Variants in FRMD4A observed in about 807,000 individuals in gnomAD.
The protein encoded by FRMD4A is FERM domain containing 4A.
A neutral mutation model predicts 129.1 loss-of-function variants in FRMD4A; 29 were observed. That is an observed-to-expected ratio of 0.22 (90% CI 0.17 to 0.31). The LOEUF (loss-of-function observed/expected upper bound fraction) is 0.31, where lower values mean the gene tolerates loss of function less well. Ranked by LOEUF, FRMD4A falls within the 10% of genes least tolerant of loss-of-function variation. The pLI is 1.00. For missense variants in FRMD4A, 1,272 were observed against 1,375.8 expected (o/e 0.92, Z 1.19); for synonymous variants, 634 against 571.6 (o/e 1.11, Z -1.56).
chr10:14,255,227 T>C (rs1380232766), intron 2 of FRMD4A, among the ~76,000 whole-genome samples: 1 of 152,230 alleles, frequency 6.6e-6, no homozygotes, highest in African/African-American at 2.4e-5. Flanking sequence ...CCCTCTCCTA[T>C]TGTCTTCTTT....
intron 2 of FRMD4A, chr10:13,891,576 C>G: frequency 1.0e-6 from 1 of 984,034 alleles, no homozygotes; most frequent in Non-Finnish European, 1.2e-6. Context: ...GAAGGGCTGC[C>G]GTCAGTCGCC....
rs761756368 is a variant in FRMD4A at position 13,646,926 on chromosome 10, G to T, written c.*112C>A. 1.1e-5 allele frequency: 10 copies of T among 923,166 alleles called. No homozygotes were observed. Among genetic ancestry groups the T allele is most frequent in the Non-Finnish European group, 1.3e-5 (10 of 772,794 alleles). The allele number at this position is 923,166 out of a possible 1,614,324, so 57.2% of individuals were successfully genotyped here. On this transcript the variant is annotated 3_prime_UTR_variant, in exon 25 of 25. Transcript: ENST00000357447. ...GCGTTGAGGCGGTCAGATTAGGCCG[G>T]GCTGGCTCACACGAGGGTCCCGGGC...
chr10:13,832,570 T>C (rs1035714232), intron 3 of FRMD4A, among the ~76,000 whole-genome samples: 4 of 152,210 alleles, frequency 2.6e-5, no homozygotes, highest in Non-Finnish European at 5.9e-5. Context: ...TTTCTTTATT[T>C]AGAGAAAGGG....
intron 2 of FRMD4A, among the ~76,000 whole-genome samples, chr10:14,112,767 C>T (rs1837986762): frequency 6.6e-6 from 1 of 152,222 alleles, no homozygotes; most frequent in African/African-American, 2.4e-5. Flanking sequence ...CTCAGGTGAT[C>T]CGCCTTCCTC....
chr10:14,008,512 C>G, intron 2 of FRMD4A: 1 of 990,388 alleles, frequency 1.0e-6, no homozygotes, highest in Non-Finnish European at 1.2e-6. Context: ...GAAATGTCAA[C>G]TTTGCTTCTC....
chr10:13,754,459 T>C (rs941105475), intron 8 of FRMD4A, among the ~76,000 whole-genome samples: 5 of 152,220 alleles, frequency 3.3e-5, no homozygotes, highest in African/African-American at 1.2e-4. Context: ...ACAGATTCTG[T>C]TCCTTTCAAA....
In FRMD4A at chr10:13,806,621, C is replaced by T. The variant is rs78043046; in HGVS notation, c.206+4193G>A. ...AGCACAGGAAATACTGCAACATGCC[C>T]GCTGTCTAGAACAGGGGTTTTCAAA... On this transcript the variant is annotated intron_variant, in intron 4 of 24. Coordinates refer to ENST00000357447, the MANE Select transcript of FRMD4A (RefSeq NM_018027.5). 3.7e-3 allele frequency among the ~76,000 whole-genome samples: 565 copies of T among 152,218 alleles called. 1 individual carries two copies. Among genetic ancestry groups the T allele is most frequent in the Non-Finnish European group, 6.6e-3 (448 of 68,012 alleles).
At chr10:13,826,172 C>T (rs1260834738) in intron 3 of FRMD4A, among the ~76,000 whole-genome samples, 2 of 152,204 alleles carry the variant, frequency 1.3e-5, no homozygotes, top group Non-Finnish European at 2.9e-5. Flanking sequence ...TGAGGGTTCC[C>T]CCTTTCTTCT....
chr10:14,172,150 C>A (rs535736957), intron 2 of FRMD4A, among the ~76,000 whole-genome samples: 1 of 152,174 alleles, frequency 6.6e-6, no homozygotes, highest in South Asian at 2.1e-4. Context: ...TATCCATTTC[C>A]AGCATTAGAA....
At chr10:14,118,265 CA>C (rs2131806496) in intron 2 of FRMD4A, among the ~76,000 whole-genome samples, 1 of 152,288 alleles carries the variant, frequency 6.6e-6, no homozygotes, top group South Asian at 2.1e-4. Flanking sequence ...TTAAAGATGC[CA>C]TGCTTGGCAA....
chr10:13,740,719 T>A (rs1447258150), intron 9 of FRMD4A, 142 bp from the exon 10 acceptor site: 7 of 575,624 alleles, frequency 1.2e-5, no homozygotes, highest in African/African-American at 1.2e-4. Context: ...TGTCCTGGAG[T>A]GGTATTTCCA....
Position 14,138,482 on chromosome 10 carries a change from C to T in FRMD4A, c.45+191576G>A, listed in dbSNP as rs150571458. ...CAGTAGAAAATTGGGGGCCAAAGGC[C>T]GGACGCGGTGGCTCACACCTGTAAT... On this transcript the variant is annotated intron_variant, in intron 2 of 24. Coordinates refer to ENST00000357447, the MANE Select transcript of FRMD4A (RefSeq NM_018027.5). 2.2e-3 allele frequency among the ~76,000 whole-genome samples: 336 copies of T among 151,340 alleles called. 2 individuals carry two copies. Among genetic ancestry groups the T allele is most frequent in the African/African-American group, 7.7e-3 (316 of 41,196 alleles).
intron 3 of FRMD4A, among the ~76,000 whole-genome samples, chr10:13,815,521 A>G (rs1027399133): frequency 2.0e-5 from 3 of 152,158 alleles, no homozygotes; most frequent in African/African-American, 7.2e-5. Context: ...ACTGAATTGC[A>G]CATACGAAAA....
At chr10:14,313,323 T>C (rs904534726) in intron 2 of FRMD4A, among the ~76,000 whole-genome samples, 29 of 152,166 alleles carry the variant, frequency 1.9e-4, no homozygotes, top group Non-Finnish European at 3.4e-4. Context: ...TGATTGCGCC[T>C]CTGCAATCCA....
At chr10:14,087,291 T>G (rs891363283) in intron 2 of FRMD4A, among the ~76,000 whole-genome samples, 8 of 147,472 alleles carry the variant, frequency 5.4e-5, no homozygotes, top group Admixed American at 2.0e-4. Context: ...ATGTGTTATA[T>G]ATCTATAAAA....
intron 2 of FRMD4A, among the ~76,000 whole-genome samples, chr10:13,908,164 TA>T (rs58370207): frequency 3.9e-4 from 16 of 41,114 alleles, no homozygotes; most frequent in African/African-American, 1.2e-3. Flanking sequence ...AAACTCCATC[TA>T]AAAAAAAAAA....
intron 11 of FRMD4A, 69 bp downstream of exon 11, chr10:13,740,125 T>C: frequency 2.3e-6 from 2 of 883,912 alleles, no homozygotes; most frequent in South Asian, 2.8e-5. Context: ...GAAGAAAACA[T>C]ATAACGAGAT....
At chr10:14,124,583 G>A (rs1838724753) in intron 2 of FRMD4A, among the ~76,000 whole-genome samples, 1 of 152,190 alleles carries the variant, frequency 6.6e-6, no homozygotes, top group South Asian at 2.1e-4. Context: ...GGCTGAGGCA[G>A]GAGAATCTCG....
intron 3 of FRMD4A, among the ~76,000 whole-genome samples, chr10:13,849,942 G>C (rs1702206044): frequency 6.6e-6 from 1 of 151,756 alleles, no homozygotes; most frequent in African/African-American, 2.4e-5. Context: ...GCCGAGGTGG[G>C]TGGATCACCT....
Sources: gnomAD v4.1 joint callset for allele counts (sites outside exome capture counted in the v4.1 genomes callset) on GRCh38, gnomAD v4.1.1 for gene constraint, MANE v1.5 for transcripts, NCBI Gene and HGNC (gene_info 2026-07-23, HGNC 2026-07-21) for gene names.